Variants in CD36 observed in about 807,000 individuals in gnomAD.
CD36 encodes the protein CD36 molecule (CD36 blood group), also known as platelet glycoprotein 4.
In CD36, 119 loss-of-function variants were observed where a neutral mutation model predicts 55.2. That is an observed-to-expected ratio of 2.15 (90% CI 1.86 to 2.51). The LOEUF (loss-of-function observed/expected upper bound fraction) is 2.51. Ranked by LOEUF, CD36 falls within the 30% of genes most tolerant of loss-of-function variation. CD36 has a pLI of 0.00. For synonymous variants in CD36, 186 were observed against 193.6 expected, an observed-to-expected ratio of 0.96 and a Z score of 0.33; for missense variants, 819 against 555.5, an observed-to-expected ratio of 1.47 and a Z score of -4.77.
At chr7:80,676,287 T>C (rs945036781) in intron 14 of CD36, 97 bp from the exon 15 acceptor site, 4 of 152,200 alleles carry the variant, frequency 2.6e-5, no homozygotes, top group African/African-American at 9.6e-5. Context: ...AAAAGGATTA[T>C]TGAGATGTTA....
chr7:80,665,030 C>G (rs1218627250), intron 7 of CD36, among the ~76,000 whole-genome samples: 1 of 151,950 alleles, frequency 6.6e-6, no homozygotes, highest in East Asian at 1.9e-4. Flanking sequence ...TGCAAATAGT[C>G]TTTAATAATT....
At chr7:80,642,101 G>A (rs1794858066) in intron 1 of CD36, among the ~76,000 whole-genome samples, 1 of 152,082 alleles carries the variant, frequency 6.6e-6, no homozygotes, top group Non-Finnish European at 1.5e-5. Flanking sequence ...CATGTAATTA[G>A]TTGCCTATTA....
At chr7:80,661,661 G>A (rs1011631343) in intron 5 of CD36, among the ~76,000 whole-genome samples, 3 of 151,982 alleles carry the variant, frequency 2.0e-5, no homozygotes, top group Admixed American at 1.3e-4. Context: ...CTGTACCAGT[G>A]GGCAATAACC....
At chr7:80,648,317 C>T (rs1448681784) in intron 3 of CD36, among the ~76,000 whole-genome samples, 1 of 151,880 alleles carries the variant, frequency 6.6e-6, no homozygotes, top group East Asian at 2.0e-4. Context: ...CAGACTACAA[C>T]ATCATTTGGA....
Position 80,646,848 on chromosome 7 carries a change from G to A in CD36, c.108G>A (p.Lys36=), listed in dbSNP as rs1795205531. ...CAGTTGGAGACCTGCTTATCCAGAA[G>A]ACAATTAAAAAGGTACAAGTAGTCC... ...LMPVGDLLIQ[K]TIKKQVVLEE... Residue 36 remains lysine, a synonymous_variant, in exon 3 of 15, where the codon AAG becomes AAA. Transcript: ENST00000447544. 1.2e-6 allele frequency: 2 copies of A among 1,613,822 alleles called. No homozygotes were observed. Among genetic ancestry groups the A allele is most frequent in the Non-Finnish European group, 1.7e-6 (2 of 1,179,892 alleles).
intron 14 of CD36, 149 bp downstream of exon 14, chr7:80,674,296 TATAA>T (rs1798051730): frequency 3.3e-6 from 2 of 614,708 alleles, no homozygotes; most frequent in Non-Finnish European, 5.7e-6. Context: ...TAAATAAACC[TATAA>T]ATATTATCAC....
upstream of CD36, among the ~76,000 whole-genome samples, chr7:80,636,182 G>A (rs2116204818): frequency 6.6e-6 from 1 of 152,218 alleles, no homozygotes; most frequent in South Asian, 2.1e-4. Flanking sequence ...GGAGAGGGGA[G>A]GAGGCTTGTA....
chr7:80,617,948 G>A (rs899365417), intron 1 of CD36, among the ~76,000 whole-genome samples: 6 of 152,162 alleles, frequency 3.9e-5, no homozygotes, highest in African/African-American at 1.4e-4. Flanking sequence ...CTTAGTTTAG[G>A]ACAGAATTTT....
intron 8 of CD36, among the ~76,000 whole-genome samples, chr7:80,667,747 G>GTTTTTTTTTTTTTTTTTTTTTTTTTT (rs1165767460): frequency 1.8e-4 from 15 of 82,634 alleles, no homozygotes; most frequent in African/African-American, 5.4e-4. Flanking sequence ...GTTTTCTTTT[G>GTTTTTTTTTTTTTTTTTTTTTTTTTT]TTTTTTTTTT....
In CD36 at chr7:80,666,425, G is replaced by T. The variant is rs764236775; in HGVS notation, c.702-18G>T. The stretch of plus-strand genomic sequence containing the variant: ...CTTTAAATAAGAATGTTTATTCATT[G>T]TCTTTTTCTATTCCTAGGAATCTGT... On this transcript the variant is annotated intron_variant, in intron 7 of 14. Transcript: ENST00000447544. 3 of 1,535,502 alleles carry T rather than the reference G, an allele frequency of 2.0e-6. No homozygotes were observed. The highest frequency in any genetic ancestry group is 1.1e-5 in the South Asian group (1 of 89,514).
chr7:80,644,216 C>A (rs1794997696), intron 1 of CD36, among the ~76,000 whole-genome samples: 2 of 152,098 alleles, frequency 1.3e-5, no homozygotes, highest in Admixed American at 6.6e-5. Context: ...TATACGATTT[C>A]CAAGGGCAGG....
At chr7:80,662,691 G>C in intron 5 of CD36, 1 of 379,232 alleles carries the variant, frequency 2.6e-6, no homozygotes, top group South Asian at 2.2e-5. Context: ...CCATCATCTA[G>C]GTTTTAAGCC....
intron 9 of CD36, 59 bp downstream of exon 9, chr7:80,670,081 G>T: frequency 9.6e-7 from 1 of 1,042,846 alleles, no homozygotes; most frequent in Non-Finnish European, 1.5e-6. Flanking sequence ...ACAAAATGCA[G>T]ACCAAGAAAC....
In CD36 at chr7:80,646,854, TA is replaced by T. The variant is rs1562791967; in HGVS notation, c.119del (p.Lys40SerfsTer37). 1.9e-6 allele frequency: 3 copies of T among 1,613,902 alleles called. No homozygotes were observed. In the African/African-American group the frequency reaches 4.0e-5, roughly 22 times the overall value. ...GAGACCTGCTTATCCAGAAGACAAT[TA>T]AAAAGGTACAAGTAGTCCAAAGAAT... The part of the protein sequence containing the change: ...VGDLLIQKTI[K>X]KQVVLEEGTI... On this transcript the variant is annotated frameshift_variant, in exon 3 of 15. Coordinates refer to ENST00000447544, the MANE Select transcript of CD36 (RefSeq NM_001001548.3). LOFTEE classifies it high-confidence loss of function.
rs556438655 is a variant in CD36, at chr7:80,661,082, G to T, written c.301G>T (p.Glu101Ter). ...CTTTAGAGTTCGTTTTCTAGCCAAGGAAAATGTAACCCAGGACGCTGAGGA... is the reference window on the plus strand; with the variant it reads ...CTTTAGAGTTCGTTTTCTAGCCAAGTAAAATGTAACCCAGGACGCTGAGGA... The part of the protein sequence containing the change: ...YTYRVRFLAK[E>*]NVTQDAEDNT... The change falls in exon 5 of 15, where the codon GAA (glutamate) becomes TAA (stop). Residue 101 changes from glutamate to a stop codon, truncating the protein, a stop_gained. Transcript: ENST00000447544. LOFTEE classifies it high-confidence loss of function. 32 of 1,613,638 alleles carry T rather than the reference G, an allele frequency of 2.0e-5. No individual in the cohort carries two copies. In the African/African-American group the frequency reaches 3.7e-4, roughly 19 times the overall value.
intron 1 of CD36, among the ~76,000 whole-genome samples, chr7:80,631,921 G>A (rs1794093375): frequency 6.6e-6 from 1 of 151,730 alleles, no homozygotes; most frequent in South Asian, 2.1e-4. Context: ...AATGCATTTA[G>A]TGTAAGATGT....
intron 1 of CD36, among the ~76,000 whole-genome samples, chr7:80,642,298 G>A (rs1794872708): frequency 6.6e-6 from 1 of 152,046 alleles, no homozygotes; most frequent in Non-Finnish European, 1.5e-5. Context: ...TCTACAATTA[G>A]CAAATGAAAT....
intron 7 of CD36, chr7:80,665,958 C>T (rs1797049916): frequency 6.3e-6 from 1 of 157,484 alleles, no homozygotes; most frequent in African/African-American, 2.4e-5. Context: ...ATAAATTAAT[C>T]ATCTACATGT....
chr7:80,651,061 C>T (rs969501330), intron 3 of CD36, among the ~76,000 whole-genome samples: 8 of 152,056 alleles, frequency 5.3e-5, no homozygotes, highest in African/African-American at 1.9e-4. Flanking sequence ...TTATTAATGT[C>T]AGTTGATAAA....
Sources: gnomAD v4.1 joint callset for allele counts (sites outside exome capture counted in the v4.1 genomes callset) on GRCh38, gnomAD v4.1.1 for gene constraint, MANE v1.5 for transcripts, NCBI Gene and HGNC (gene_info 2026-07-23, HGNC 2026-07-21) for gene names.